PIRT: variants seen among roughly 807,000 people sequenced by gnomAD.
PIRT encodes the protein phosphoinositide interacting regulator of transient receptor potential channels.
In PIRT, 6 loss-of-function variants were observed where a neutral mutation model predicts 7.9. That is an observed-to-expected ratio of 0.76 (90% CI 0.42 to 1.51). The LOEUF (loss-of-function observed/expected upper bound fraction) is 1.51, where lower values mean the gene tolerates loss of function less well. Ranked by LOEUF, PIRT falls within the 40% of genes most tolerant of loss-of-function variation. The probability of loss-of-function intolerance (pLI) is 0.01; values close to 1 mark genes in which losing one functional copy is unlikely to be tolerated. For synonymous variants in PIRT, 78 were observed against 71.8 expected (o/e 1.09, Z -0.44); for missense variants, 170 against 172.9 (o/e 0.98, Z 0.09).
chr17:10,825,562 G>C lies in PIRT; in HGVS notation c.84C>G (p.Ala28=). The change falls in exon 2 of 2, where the codon GCC becomes GCG. Residue 28 remains alanine (A), a synonymous_variant. Coordinates refer to ENST00000580256, the MANE Select transcript of PIRT (RefSeq NM_001101387.2). ...TCCTGGAGCTGATGCACAGGGAGCTGGCGGTCTGGCTGGGCAGCAGGTCCT... is the reference window on the plus strand; with the variant it reads ...TCCTGGAGCTGATGCACAGGGAGCTCGCGGTCTGGCTGGGCAGCAGGTCCT... ...EAKDLLPSQT[A]SSLCISSRSE... is the part of the protein sequence containing the mutation. 1 of 1,597,162 alleles carries C rather than the reference G, an allele frequency of 6.3e-7. No individual in the cohort carries two copies. The highest frequency in any genetic ancestry group is 1.1e-5 in the South Asian group (1 of 88,552).
chr17:10,834,983 G>A lies in PIRT; in HGVS notation c.-139+2962C>T, dbSNP rs188375934. On this transcript the variant is annotated intron_variant, in intron 1 of 1. Transcript: ENST00000580256. ...CTGGTCCTGTTCCTTCCCACCCGGT[G>A]GTTGTAAAAATCTCCCTTTGATATT... Among the ~76,000 whole-genome samples the A allele has an allele frequency of 1.9e-4, 29 of 151,872 alleles. No homozygotes were observed. The East Asian group carries it at 2.5e-3, about 13-fold the overall frequency.
Position 10,825,303 on chromosome 17 carries a change from T to C in PIRT, c.343A>G (p.Lys115Glu), listed in dbSNP as rs374931569. 1.4e-5 allele frequency: 23 copies of C among 1,613,936 alleles called. No individual in the cohort carries two copies. The highest frequency in any genetic ancestry group is 3.3e-5 in the Admixed American group (2 of 60,024). ...TTCTGTCTGTGCTTCTGTTTCTTTT[T>C]GATGATGGGCACCCACACCAGCCCG... ...VCGLVWVPIIKKKQKHRQKSN... is the reference protein window; with the variant it reads ...VCGLVWVPIIEKKQKHRQKSN... The change falls in exon 2 of 2, where the codon AAA (lysine) becomes GAA (glutamate). Residue 115 changes from lysine (K) to glutamate (E), a missense_variant. Lys to Glu is a moderately conservative substitution (Grantham distance 56, BLOSUM62 1). Transcript: ENST00000580256.
At position 10,824,969 on chromosome 17, in the gene PIRT, G is replaced by A. The variant is rs923198331; in HGVS notation, c.*263C>T. 1.3e-4 allele frequency: 63 copies of A among 481,046 alleles called. No homozygotes were observed. The highest frequency in any genetic ancestry group is 1.1e-3 in the African/African-American group (57 of 52,074). The allele number at this position is 481,046 out of a possible 1,614,324, so 29.8% of individuals were successfully genotyped here. A position where few individuals can be genotyped will look rare whatever the true frequency, so the allele number is the denominator to read the frequency against. On this transcript the variant is annotated 3_prime_UTR_variant, in exon 2 of 2. Transcript: ENST00000580256. ...TTGGATGAATGATGCCTGGATGCAG[G>A]GGCAGGGGGTTAGAGTGACCAAAGG...
intron 1 of PIRT, among the ~76,000 whole-genome samples, chr17:10,828,606 T>C (rs1428861366): frequency 6.6e-6 from 1 of 152,176 alleles, no homozygotes; most frequent in Non-Finnish European, 1.5e-5. Context: ...TGCAGATAAA[T>C]GTAACATGTA....
Position 10,824,497 on chromosome 17 carries a change from A to G in PIRT, c.*735T>C, listed in dbSNP as rs1487785120. ...CTTGGCTAATGATCAAGTTCAGAGA[A>G]GACAGTGGTCAATGAGAAAGATAAG... On this transcript the variant is annotated 3_prime_UTR_variant, in exon 2 of 2. Transcript: ENST00000580256. The G allele has an allele frequency of 1.3e-5, 2 of 152,228 alleles. No individual in the cohort carries two copies. The highest frequency in any genetic ancestry group is 2.9e-5 in the Non-Finnish European group (2 of 68,056). 9.4% of individuals were successfully genotyped at this position (152,228 alleles called of 1,614,324 possible). A position where few individuals can be genotyped will look rare whatever the true frequency, so the allele number is the denominator to read the frequency against.
Position 10,825,109 on chromosome 17 carries a change from A to G in PIRT, c.*123T>C. On this transcript the variant is annotated 3_prime_UTR_variant, in exon 2 of 2. Coordinates refer to ENST00000580256, the MANE Select transcript of PIRT (RefSeq NM_001101387.2). ...GAGCCCCAAGCTCTATCTTCCCCAC[A>G]GGGTCAGGAAGAGCATTTTCCTGGA... 1 of 1,269,760 alleles carries G rather than the reference A, an allele frequency of 7.9e-7. No homozygotes were observed. The highest frequency in any genetic ancestry group is 1.5e-5 in the South Asian group (1 of 64,852). 78.7% of individuals were successfully genotyped at this position (1,269,760 alleles called of 1,614,324 possible).
intron 1 of PIRT, among the ~76,000 whole-genome samples, chr17:10,828,367 CTT>C (rs2151534186): frequency 6.6e-6 from 1 of 152,272 alleles, no homozygotes; most frequent in Non-Finnish European, 1.5e-5. Flanking sequence ...GCCTCTGGAC[CTT>C]GGCTTCTACC....
At position 10,825,426 on chromosome 17, in the gene PIRT, A is replaced by C; in HGVS notation, c.220T>G (p.Cys74Gly). 6.2e-7 allele frequency: 1 copy of C among 1,613,996 alleles called. No individual in the cohort carries two copies. ...AILLFGVVITCLAYTLKLSDK... is the reference protein window; with the variant it reads ...AILLFGVVITGLAYTLKLSDK... ...CTCAGCTTCAAGGTGTAGGCCAAGC[A>C]GGTGATGACCACGCCGAAAAGCAGG... is the stretch of plus-strand genomic sequence containing the variant. Residue 74 changes from cysteine (C) to glycine (G), a missense_variant, in exon 2 of 2, where the codon TGC (cysteine) becomes GGC (glycine). Physicochemically the swap from Cys to Gly is radical, Grantham distance 159. Transcript: ENST00000580256.
At chr17:10,835,106 C>T (rs1406338112) in intron 1 of PIRT, among the ~76,000 whole-genome samples, 2 of 152,136 alleles carry the variant, frequency 1.3e-5, no homozygotes, top group African/African-American at 4.8e-5. Context: ...TCCCTGCCTC[C>T]ATTCTTTGGC....
chr17:10,825,553 C>G lies in PIRT; in HGVS notation c.93G>C (p.Leu31=). 1 of 1,605,828 alleles carries G rather than the reference C, an allele frequency of 6.2e-7. No individual in the cohort carries two copies. The highest frequency in any genetic ancestry group is 8.5e-7 in the Non-Finnish European group (1 of 1,175,842). ...CAGACTCGCTCCTGGAGCTGATGCACAGGGAGCTGGCGGTCTGGCTGGGCA... is the reference window on the plus strand; with the variant it reads ...CAGACTCGCTCCTGGAGCTGATGCAGAGGGAGCTGGCGGTCTGGCTGGGCA... ...DLLPSQTASS[L]CISSRSESVW... The change falls in exon 2 of 2, where the codon CTG becomes CTC. Residue 31 remains leucine (L), a synonymous_variant. Transcript: ENST00000580256.
chr17:10,825,168 A>T lies in PIRT; in HGVS notation c.*64T>A. The T allele has an allele frequency of 6.4e-7, 1 of 1,556,886 alleles. No homozygotes were observed. Among genetic ancestry groups the T allele is most frequent in the Non-Finnish European group, 8.7e-7 (1 of 1,144,072 alleles). On this transcript the variant is annotated 3_prime_UTR_variant, in exon 2 of 2. Coordinates refer to ENST00000580256, the MANE Select transcript of PIRT (RefSeq NM_001101387.2). The stretch of plus-strand genomic sequence containing the variant: ...ATGGCACCCCACAGAGGAGACAGGG[A>T]TGTCGGATGTTGGTCATCAGATCTT...
rs4791425 is a variant in PIRT at position 10,827,578 on chromosome 17, C to A, written c.-138-1795G>T. 7.3e-5 allele frequency among the ~76,000 whole-genome samples: 11 copies of A among 149,854 alleles called. No individual in the cohort carries two copies. In the East Asian group the frequency reaches 1.2e-3, roughly 16 times the overall value. Reference sequence around the variant, plus strand: ...CAACCTCCGCCTCCCAGGTTCAAGCCACTCTCCTGCCTCAGCCTCCTGAGT... The same window carrying A: ...CAACCTCCGCCTCCCAGGTTCAAGCAACTCTCCTGCCTCAGCCTCCTGAGT... On this transcript the variant is annotated intron_variant, in intron 1 of 1. Transcript: ENST00000580256.
intron 1 of PIRT, among the ~76,000 whole-genome samples, chr17:10,829,183 C>G (rs986384177): frequency 6.6e-6 from 1 of 152,090 alleles, no homozygotes; most frequent in African/African-American, 2.4e-5. Flanking sequence ...ATTTCGATCC[C>G]GTTTCCGTGA....
chr17:10,833,463 T>C (rs1185557106), intron 1 of PIRT, among the ~76,000 whole-genome samples: 2 of 152,158 alleles, frequency 1.3e-5, no homozygotes, highest in African/African-American at 2.4e-5. Flanking sequence ...AAAATATGTA[T>C]CTGGGCTGTG....
intron 1 of PIRT, among the ~76,000 whole-genome samples, chr17:10,837,604 T>TGCCCA (rs1458572647): frequency 6.6e-6 from 1 of 152,184 alleles, no homozygotes; most frequent in Non-Finnish European, 1.5e-5. Context: ...GGAGAGTCCC[T>TGCCCA]GCCCAGCCCT....
chr17:10,833,314 G>A (rs1905505607), intron 1 of PIRT, among the ~76,000 whole-genome samples: 1 of 151,786 alleles, frequency 6.6e-6, no homozygotes, highest in Non-Finnish European at 1.5e-5. Context: ...CTGGGGACAG[G>A]CATAGATTTT....
In PIRT at chr17:10,827,465, CTTTTTTT is replaced by C. The variant is rs546105685; in HGVS notation, c.-138-1689_-138-1683del. Among the ~76,000 whole-genome samples, 167 of 56,298 alleles carry C rather than the reference CTTTTTTT, an allele frequency of 3.0e-3. 1 individual carries two copies. The highest frequency in any genetic ancestry group is 4.4e-3 in the African/African-American group (59 of 13,336). The allele number at this position is 56,298 out of a possible 152,430, so 36.9% of individuals were successfully genotyped here. On this transcript the variant is annotated intron_variant, in intron 1 of 1. Transcript: ENST00000580256. ...TCTTTCTTTTCTTTCTTTTTCTTTT[CTTTTTTT>C]TTTTTTTTTTTTTTTTTTTGAAGTG...
rs1905244005 is a variant in PIRT at position 10,823,258 on chromosome 17, C to T, written c.*1974G>A. 1 of 152,352 alleles carries T rather than the reference C, an allele frequency of 6.6e-6. No homozygotes were observed. Among genetic ancestry groups the T allele is most frequent in the East Asian group, 1.9e-4 (1 of 5,178 alleles). The allele number at this position is 152,352 out of a possible 1,614,324, so 9.4% of individuals were successfully genotyped here. Reference sequence around the variant, plus strand: ...GCAACACTCCCAAGATTGGTCCTGACCACCTGTGTGCAGGGCTAGAGGTGA... The same window carrying T: ...GCAACACTCCCAAGATTGGTCCTGATCACCTGTGTGCAGGGCTAGAGGTGA... On this transcript the variant is annotated 3_prime_UTR_variant, in exon 2 of 2. Transcript: ENST00000580256.
At chr17:10,837,329 G>A (rs1030432509) in intron 1 of PIRT, among the ~76,000 whole-genome samples, 5 of 152,234 alleles carry the variant, frequency 3.3e-5, no homozygotes, top group Admixed American at 3.3e-4. Flanking sequence ...CCACGTCTTT[G>A]TCCGTGTTTG....
Sources: gnomAD v4.1 joint callset for allele counts (sites outside exome capture counted in the v4.1 genomes callset) on GRCh38, gnomAD v4.1.1 for gene constraint, MANE v1.5 for transcripts, NCBI Gene and HGNC (gene_info 2026-07-23, HGNC 2026-07-21) for gene names.